CADM2: variants seen among roughly 807,000 people sequenced by gnomAD.
CADM2 encodes the protein immunoglobulin superfamily member 4D.
In CADM2, 12 loss-of-function variants were observed where a neutral mutation model predicts 49.8. The ratio of observed to expected loss-of-function variants is 0.24; its 90% CI spans 0.15 to 0.39. The LOEUF is 0.39. Ranked by LOEUF, CADM2 falls within the 10% of genes least tolerant of loss-of-function variation. The pLI is 1.00. For synonymous variants in CADM2, 214 were observed against 175.4 expected, an observed-to-expected ratio of 1.22 and a Z score of -1.74; for missense variants, 378 against 492.3, an observed-to-expected ratio of 0.77 and a Z score of 2.20.
intron 1 of CADM2, among the ~76,000 whole-genome samples, chr3:85,291,599 A>G (rs1576293802): frequency 6.8e-6 from 1 of 147,352 alleles, no homozygotes; most frequent in Non-Finnish European, 1.5e-5. Context: ...CTTGGCAGAA[A>G]CCCTACAAGC....
At chr3:85,890,022 G>A (rs955940187) in intron 5 of CADM2, among the ~76,000 whole-genome samples, 1 of 152,130 alleles carries the variant, frequency 6.6e-6, no homozygotes, top group Non-Finnish European at 1.5e-5. Context: ...AAACCAAACA[G>A]TGACAGAAGC....
At chr3:85,049,831 A>T (rs2035813753) in intron 1 of CADM2, among the ~76,000 whole-genome samples, 1 of 152,110 alleles carries the variant, frequency 6.6e-6, no homozygotes, top group Non-Finnish European at 1.5e-5. Flanking sequence ...AGATAATTAA[A>T]TTCTCATCCA....
At chr3:85,010,909 G>C (rs1046059101) in intron 1 of CADM2, among the ~76,000 whole-genome samples, 2 of 116,280 alleles carry the variant, frequency 1.7e-5, no homozygotes, top group African/African-American at 3.6e-5. Flanking sequence ...TGTCTCCCAG[G>C]CTGGAGTGCA....
At chr3:85,705,900 G>A (rs764483585) in intron 1 of CADM2, among the ~76,000 whole-genome samples, 17 of 152,108 alleles carry the variant, frequency 1.1e-4, no homozygotes, top group Non-Finnish European at 1.9e-4. Context: ...TATCTGCAGC[G>A]AAGTCCTTCT....
intron 5 of CADM2, among the ~76,000 whole-genome samples, chr3:85,905,651 C>G (rs753792354): frequency 6.6e-6 from 1 of 151,556 alleles, no homozygotes; most frequent in Non-Finnish European, 1.5e-5. Flanking sequence ...AAAGAATGAA[C>G]AGAAAAAGAA....
chr3:85,121,942 T>G (rs2107593070), intron 1 of CADM2, among the ~76,000 whole-genome samples: 1 of 152,298 alleles, frequency 6.6e-6, no homozygotes, highest in Middle Eastern at 3.4e-3. Flanking sequence ...TTCGCTATCT[T>G]ATCTCATTCA....
intron 1 of CADM2, among the ~76,000 whole-genome samples, chr3:85,502,344 G>A (rs1474775884): frequency 6.6e-6 from 1 of 152,024 alleles, no homozygotes; most frequent in Non-Finnish European, 1.5e-5. Flanking sequence ...TCTTGAGAAA[G>A]GCTTCATTTG....
intron 8 of CADM2, among the ~76,000 whole-genome samples, chr3:86,016,337 C>A (rs1559802471): frequency 6.6e-6 from 1 of 152,098 alleles, no homozygotes; most frequent in Non-Finnish European, 1.5e-5. Context: ...ATATGATAAA[C>A]TGTTAGAATT....
At chr3:85,888,116 A>C (rs1713923508) in intron 5 of CADM2, among the ~76,000 whole-genome samples, 1 of 152,172 alleles carries the variant, frequency 6.6e-6, no homozygotes, top group Admixed American at 6.5e-5. Context: ...TTAGTTAATT[A>C]ATTAGTTGTT....
chr3:85,635,085 A>G (rs1392045953), intron 1 of CADM2, among the ~76,000 whole-genome samples: 1 of 152,088 alleles, frequency 6.6e-6, no homozygotes, highest in Non-Finnish European at 1.5e-5. Flanking sequence ...AATGAATGCT[A>G]GTTGACAAAA....
intron 1 of CADM2, among the ~76,000 whole-genome samples, chr3:85,409,196 C>CT (rs1322967932): frequency 5.3e-5 from 8 of 152,054 alleles, no homozygotes; most frequent in East Asian, 3.9e-4. Flanking sequence ...CTCTTCTTTC[C>CT]TTTTTTGTGT....
intron 2 of CADM2, among the ~76,000 whole-genome samples, chr3:85,768,470 TAATA>T (rs10663104): frequency 2.1e-5 from 3 of 143,780 alleles, no homozygotes; most frequent in Non-Finnish European, 4.5e-5. Context: ...AATAAATAAA[TAATA>T]AATAAATAAA....
Position 86,066,761 on chromosome 3 carries a change from A to G in CADM2, c.1193A>G (p.Glu398Gly), listed in dbSNP as rs955672565. 1.2e-6 allele frequency: 2 copies of G among 1,612,096 alleles called. No homozygotes were observed. The highest frequency in any genetic ancestry group is 2.7e-5 in the African/African-American group (2 of 74,900). ...NAEGSQVNAEEKKEYFI is the reference protein window; with the variant it reads ...NAEGSQVNAEGKKEYFI Reference sequence around the variant, plus strand: ...GAAGGCAGCCAAGTCAATGCTGAAGAGAAAAAAGAGTATTTCATTTAAGAT... The same window carrying G: ...GAAGGCAGCCAAGTCAATGCTGAAGGGAAAAAAGAGTATTTCATTTAAGAT... The change falls in exon 10 of 10, where the codon GAG (glutamate) becomes GGG (glycine). Residue 398 changes from glutamate to glycine, a missense_variant. Transcript: ENST00000383699.
intron 8 of CADM2, among the ~76,000 whole-genome samples, chr3:85,995,892 GT>G (rs1729344894): frequency 6.6e-6 from 1 of 151,774 alleles, no homozygotes; most frequent in Non-Finnish European, 1.5e-5. Flanking sequence ...GATCAAGACC[GT>G]CCTGGCTAAC....
At chr3:85,774,533 T>C (rs755167347) in intron 2 of CADM2, among the ~76,000 whole-genome samples, 9 of 151,740 alleles carry the variant, frequency 5.9e-5, no homozygotes, top group Non-Finnish European at 1.3e-4. Flanking sequence ...TATTACCTTT[T>C]TTGCAAAAAT....
intron 2 of CADM2, among the ~76,000 whole-genome samples, chr3:85,786,541 C>A (rs1194142783): frequency 1.3e-5 from 2 of 152,054 alleles, no homozygotes; most frequent in Non-Finnish European, 2.9e-5. Flanking sequence ...GTGGAAAATA[C>A]ATCCTTTTAA....
chr3:85,311,202 T>C (rs557273023), intron 1 of CADM2, among the ~76,000 whole-genome samples: 1 of 152,212 alleles, frequency 6.6e-6, no homozygotes, highest in East Asian at 1.9e-4. Flanking sequence ...AATAGGACTC[T>C]TAGCCATCAG....
rs558349536 is a variant in CADM2 at position 85,357,549 on chromosome 3, A to G, written c.62-368973A>G. Among the ~76,000 whole-genome samples the G allele has an allele frequency of 3.7e-4, 56 of 152,094 alleles. 1 individual carries two copies. The highest frequency in any genetic ancestry group is 6.5e-4 in the Non-Finnish European group (44 of 68,000). On this transcript the variant is annotated intron_variant, in intron 1 of 9. Transcript: ENST00000383699. ...ATATCCATCTAATTGGAGAGCAATTACTTTCCACATTTTACAGATAGAAAA... is the reference window on the plus strand; with the variant it reads ...ATATCCATCTAATTGGAGAGCAATTGCTTTCCACATTTTACAGATAGAAAA...
intron 1 of CADM2, among the ~76,000 whole-genome samples, chr3:85,441,198 TTAAA>T (rs1243514755): frequency 6.6e-6 from 1 of 151,952 alleles, no homozygotes; most frequent in Non-Finnish European, 1.5e-5. Flanking sequence ...TTTGTAGTAA[TTAAA>T]TACTCAGTTT....
Sources: allele counts gnomAD v4.1 joint callset (sites outside exome capture counted in the v4.1 genomes callset), GRCh38; gene constraint gnomAD v4.1.1; transcripts MANE v1.5; gene names NCBI Gene and HGNC (gene_info 2026-07-23, HGNC 2026-07-21).